Variants in ZNF438 observed in about 807,000 individuals in gnomAD.
ZNF438 encodes the protein zinc finger protein 438.
Under a neutral mutation model 38.0 loss-of-function variants are expected in ZNF438, and 25 were observed. That is an observed-to-expected ratio of 0.66 (90% CI 0.48 to 0.92). The LOEUF is 0.92. ZNF438 is among the 40% of genes least tolerant of loss of function. ZNF438 has a pLI of 0.00. For synonymous variants in ZNF438, 372 were observed against 364.1 expected, an observed-to-expected ratio of 1.02 and a Z score of -0.25; for missense variants, 1,007 against 999.6, an observed-to-expected ratio of 1.01 and a Z score of -0.10.
At chr10:31,009,579 C>T (rs61845204) in intron 1 of ZNF438, among the ~76,000 whole-genome samples, 12,740 of 152,184 alleles carry the variant, frequency 0.084, 592 homozygotes, top group African/African-American at 0.12. Flanking sequence ...TGAACATGAT[C>T]CAATCCTTGC....
intron 1 of ZNF438, among the ~76,000 whole-genome samples, chr10:30,950,975 TGAAC>T (rs1393128438): frequency 1.4e-5 from 2 of 140,712 alleles, no homozygotes; most frequent in East Asian, 3.9e-4. Context: ...ATATCCTTGA[TGAAC>T]ATTGATGCAA....
intron 1 of ZNF438, among the ~76,000 whole-genome samples, chr10:31,000,683 GCCAGAA>G (rs1238790692): frequency 6.6e-6 from 1 of 151,888 alleles, no homozygotes; most frequent in Non-Finnish European, 1.5e-5. Flanking sequence ...TGGTTGGCTG[GCCAGAA>G]CTGTGCATAA....
chr10:30,908,286 T>A (rs2042769949), intron 3 of ZNF438, among the ~76,000 whole-genome samples: 1 of 152,232 alleles, frequency 6.6e-6, no homozygotes, highest in African/African-American at 2.4e-5. Context: ...GCTAATTTTA[T>A]GTCCTAATAA....
At position 30,928,130 on chromosome 10, in the gene ZNF438, G is replaced by A. The variant is rs149218350; in HGVS notation, c.-115+13445C>T. On this transcript the variant is annotated intron_variant, in intron 2 of 5. Coordinates refer to ENST00000413025, the Ensembl canonical transcript of ZNF438. ...AGAAGCTAATCCAAAGAGAGGCGAC[G>A]GAACTCCACCCACTTCAAAATGTCA... Among the ~76,000 whole-genome samples the A allele has an allele frequency of 1.2e-4, 18 of 152,012 alleles. No homozygotes were observed. In the South Asian group the frequency reaches 1.7e-3, roughly 14 times the overall value.
At chr10:30,942,254 G>A (rs1250423984) in intron 1 of ZNF438, among the ~76,000 whole-genome samples, 3 of 152,172 alleles carry the variant, frequency 2.0e-5, no homozygotes, top group African/African-American at 7.2e-5. Flanking sequence ...TACTGTAAGA[G>A]GTTGAATGCT....
At chr10:31,007,344 T>C (rs2055248474) in intron 1 of ZNF438, among the ~76,000 whole-genome samples, 1 of 147,322 alleles carries the variant, frequency 6.8e-6, no homozygotes, top group African/African-American at 2.6e-5. Context: ...TGCAGTGGCG[T>C]GATCTCAGCT....
chr10:31,001,823 A>G (rs1188331398), intron 1 of ZNF438, among the ~76,000 whole-genome samples: 1 of 152,160 alleles, frequency 6.6e-6, no homozygotes, highest in East Asian at 1.9e-4. Flanking sequence ...TGTATACCAG[A>G]CCCTGATGCA....
chr10:30,867,522 A>G (rs2036655847), intron 4 of ZNF438, among the ~76,000 whole-genome samples: 2 of 152,232 alleles, frequency 1.3e-5, no homozygotes, highest in African/African-American at 4.8e-5. Context: ...CAACCCATAC[A>G]AGCAAATGCT....
chr10:30,953,287 G>A (rs2048441245), intron 1 of ZNF438, among the ~76,000 whole-genome samples: 2 of 151,924 alleles, frequency 1.3e-5, no homozygotes, highest in African/African-American at 4.8e-5. Flanking sequence ...AACATTGGGA[G>A]ATATACCTAA....
At chr10:30,845,100 T>C in exon 6 of ZNF438, 1 of 1,614,210 alleles carries the variant, frequency 6.2e-7, no homozygotes, top group Non-Finnish European at 8.5e-7. Flanking sequence ...TCCCAGCATC[T>C]CTGCACAAAG....
intron 4 of ZNF438, chr10:30,875,630 C>A: frequency 1.0e-6 from 1 of 955,470 alleles, no homozygotes; most frequent in Non-Finnish European, 1.2e-6. Context: ...AAAACACATG[C>A]TCTTTATTTC....
At chr10:30,907,580 A>C (rs965701101) in intron 3 of ZNF438, among the ~76,000 whole-genome samples, 1 of 151,682 alleles carries the variant, frequency 6.6e-6, no homozygotes, top group Non-Finnish European at 1.5e-5. Flanking sequence ...TGTCTTCTTG[A>C]CTCCGTTTTG....
At position 30,877,191 on chromosome 10, in the gene ZNF438, T is replaced by C. The variant is rs2038563634; in HGVS notation, c.-31-126A>G. 9 of 462,676 alleles carry C rather than the reference T, an allele frequency of 1.9e-5. 1 individual carries two copies. The South Asian group carries it at 4.6e-4, about 24-fold the overall frequency. 28.7% of individuals were successfully genotyped at this position (462,676 alleles called of 1,614,324 possible). The stretch of plus-strand genomic sequence containing the variant: ...TTATAACTATATGAGTAATAAGAAA[T>C]GGATTGAGCTATTAAGAATTGATGT... On this transcript the variant is annotated intron_variant, in intron 3 of 5. Coordinates refer to ENST00000413025, the Ensembl canonical transcript of ZNF438.
intron 2 of ZNF438, among the ~76,000 whole-genome samples, chr10:30,914,062 T>C (rs989622814): frequency 1.3e-5 from 2 of 152,122 alleles, no homozygotes; most frequent in African/African-American, 4.8e-5. Context: ...GCGTATAAAC[T>C]AAAAATCAAA....
chr10:30,845,463 A>G, exon 6 of ZNF438: 1 of 1,614,080 alleles, frequency 6.2e-7, no homozygotes, highest in South Asian at 1.1e-5. Flanking sequence ...ATGAAATTTT[A>G]TTTCCGCAAA....
intron 3 of ZNF438, among the ~76,000 whole-genome samples, chr10:30,879,515 ACAAT>A (rs1263662856): frequency 6.6e-6 from 1 of 152,236 alleles, no homozygotes; most frequent in East Asian, 1.9e-4. Context: ...AATTTAGAAA[ACAAT>A]CAAAACTGAG....
chr10:30,909,457 C>T (rs1015814144), intron 2 of ZNF438, among the ~76,000 whole-genome samples: 12 of 152,158 alleles, frequency 7.9e-5, no homozygotes, highest in Non-Finnish European at 2.9e-5. Flanking sequence ...ACTCCTGATT[C>T]TCGACTGAGA....
chr10:30,995,422 A>G (rs1191451214), intron 1 of ZNF438, among the ~76,000 whole-genome samples: 1 of 152,260 alleles, frequency 6.6e-6, no homozygotes, highest in East Asian at 1.9e-4. Flanking sequence ...TGTTTTTAAA[A>G]TAAAGGTCAA....
intron 1 of ZNF438, among the ~76,000 whole-genome samples, chr10:30,988,738 A>AC (rs201526733): frequency 0.014 from 2,105 of 152,310 alleles, 58 homozygotes; most frequent in African/African-American, 0.049. Flanking sequence ...CAATATGATG[A>AC]AACCAATTTG....
Sources: gnomAD v4.1 joint callset for allele counts (sites outside exome capture counted in the v4.1 genomes callset) on GRCh38, gnomAD v4.1.1 for gene constraint, MANE v1.5 for transcripts, NCBI Gene and HGNC (gene_info 2026-07-23, HGNC 2026-07-21) for gene names.